ATF7IP: variants seen among roughly 807,000 people sequenced by gnomAD.
The protein encoded by ATF7IP is activating transcription factor 7 interacting protein.
A neutral mutation model predicts 106.4 loss-of-function variants in ATF7IP; 23 were observed. The observed-to-expected ratio is 0.22, with a 90% CI of 0.16 to 0.31. The LOEUF (loss-of-function observed/expected upper bound fraction) is 0.31, where lower values mean the gene tolerates loss of function less well. ATF7IP is among the 10% of genes least tolerant of loss of function. The pLI, the probability that ATF7IP is intolerant of heterozygous loss-of-function variation, is 1.00. For synonymous variants in ATF7IP, 542 were observed against 539.0 expected, an observed-to-expected ratio of 1.01 and a Z score of -0.08; for missense variants, 1,334 against 1,524.3, an observed-to-expected ratio of 0.88 and a Z score of 2.08.
intron 5 of ATF7IP, among the ~76,000 whole-genome samples, chr12:14,440,535 G>A (rs1942646709): frequency 6.6e-6 from 1 of 152,024 alleles, no homozygotes; most frequent in South Asian, 2.1e-4. Context: ...ACTTCGTATT[G>A]TTTCCCCTGT....
In ATF7IP at chr12:14,424,462, G is replaced by A; in HGVS notation, c.547G>A (p.Asp183Asn). 6.2e-7 allele frequency: 1 copy of A among 1,611,816 alleles called. No individual in the cohort carries two copies. The highest frequency in any genetic ancestry group is 8.5e-7 in the Non-Finnish European group (1 of 1,179,188). Residue 183 changes from aspartate (D) to asparagine (N), a missense_variant, in exon 2 of 15, where the codon GAT becomes AAT. Asp to Asn is a conservative substitution (Grantham distance 23, BLOSUM62 1). Around this residue, in one of 10 missense-constraint regions of ATF7IP, gnomAD observed 438 missense variants for 405.3 expected, o/e 1.08. Transcript: ENST00000261168. ...AACCTCTGGTGATGCCCCTTCTGGT[G>A]ATGTGTCCCCTGGTGATGCCACCTC... ...DATSGDAPSG[D>N]VSPGDATSGD...
intron 1 of ATF7IP, among the ~76,000 whole-genome samples, chr12:14,393,552 C>A (rs550778447): frequency 3.3e-5 from 5 of 152,224 alleles, no homozygotes; most frequent in African/African-American, 1.2e-4. Flanking sequence ...CTACCATTTG[C>A]TATTGATAAA....
At chr12:14,386,752 A>G (rs1486656003) in intron 1 of ATF7IP, among the ~76,000 whole-genome samples, 2 of 152,134 alleles carry the variant, frequency 1.3e-5, no homozygotes, top group African/African-American at 4.8e-5. Context: ...CGTACATGAC[A>G]ATTATAATCT....
chr12:14,480,726 A>T (rs896994217), intron 12 of ATF7IP, among the ~76,000 whole-genome samples: 4 of 152,190 alleles, frequency 2.6e-5, no homozygotes, highest in Admixed American at 6.5e-5. Context: ...GCACCTTTTT[A>T]AAAAATCTTC....
At chr12:14,476,903 A>G (rs1944281781) in intron 11 of ATF7IP, among the ~76,000 whole-genome samples, 1 of 152,230 alleles carries the variant, frequency 6.6e-6, no homozygotes, top group African/African-American at 2.4e-5. Context: ...TTTCATGAAT[A>G]TAAAGTTCCA....
chr12:14,478,484 G>T lies in ATF7IP; in HGVS notation c.3097+12G>T, dbSNP rs921375162. ...CTTACTACCTACAGGTAAATTTGTT[G>T]AATCATTGAGTAGAAGCTTTGGTTT... is the stretch of plus-strand genomic sequence containing the variant. On this transcript the variant is annotated intron_variant, in intron 12 of 14. Coordinates refer to ENST00000261168, the MANE Select transcript of ATF7IP (RefSeq NM_018179.5). 3 of 1,613,572 alleles carry T rather than the reference G, an allele frequency of 1.9e-6. No homozygotes were observed. The highest frequency in any genetic ancestry group is 2.7e-5 in the African/African-American group (2 of 74,994).
At chr12:14,454,618 C>G (rs1943354043) in intron 6 of ATF7IP, among the ~76,000 whole-genome samples, 1 of 151,932 alleles carries the variant, frequency 6.6e-6, no homozygotes, top group African/African-American at 2.4e-5. Context: ...TCTTTTTGGC[C>G]TTGTGCTCAC....
chr12:14,415,730 A>C (rs909015829), intron 1 of ATF7IP, among the ~76,000 whole-genome samples: 4 of 150,446 alleles, frequency 2.7e-5, no homozygotes, highest in African/African-American at 9.8e-5. Context: ...AGCTAGTGAC[A>C]GTTATTTTAT....
chr12:14,465,045 G>C (rs1943777884), intron 9 of ATF7IP, among the ~76,000 whole-genome samples: 1 of 151,916 alleles, frequency 6.6e-6, no homozygotes, highest in African/African-American at 2.4e-5. Context: ...ATGAAAGCAG[G>C]TCTTTACTAA....
At chr12:14,478,223 G>C (rs776572889) in intron 11 of ATF7IP, 94 bp from the exon 12 acceptor site, 17 of 1,173,732 alleles carry the variant, frequency 1.4e-5, no homozygotes, top group Non-Finnish European at 2.1e-5. Context: ...TGACACACAA[G>C]TGGCAAGCAA....
intron 1 of ATF7IP, among the ~76,000 whole-genome samples, chr12:14,367,924 A>G (rs1009008454): frequency 6.6e-6 from 1 of 152,078 alleles, no homozygotes; most frequent in African/African-American, 2.4e-5. Flanking sequence ...CACATATCCA[A>G]CATATATAAA....
In ATF7IP at chr12:14,460,742, A is replaced by C. The variant is rs113845516; in HGVS notation, c.2406A>C (p.Pro802=). 4 of 1,614,220 alleles carry C rather than the reference A, an allele frequency of 2.5e-6. No individual in the cohort carries two copies. Among genetic ancestry groups the C allele is most frequent in the African/African-American group, 1.3e-5 (1 of 75,068 alleles). ...SSQPQLLQSH[P]GTLVTNQPSG... is the part of the protein sequence containing the mutation. ...AGCCTCAGCTTCTACAGAGCCATCC[A>C]GGGACTTTGGTGACTAATCAACCAT... Residue 802 remains proline (P), a synonymous_variant, in exon 9 of 15, where the codon CCA becomes CCC. Coordinates refer to ENST00000261168, the MANE Select transcript of ATF7IP (RefSeq NM_018179.5).
At chr12:14,379,048 T>A (rs1434345009) in intron 1 of ATF7IP, among the ~76,000 whole-genome samples, 1 of 152,172 alleles carries the variant, frequency 6.6e-6, no homozygotes, top group Non-Finnish European at 1.5e-5. Flanking sequence ...TGGATTTGTA[T>A]CCCCACCCAA....
rs1318408129 is a variant in ATF7IP at position 14,424,355 on chromosome 12, G to C, written c.440G>C (p.Gly147Ala). ...GDLDAGDPAS[G>A]VLASGDSTSG... ...CTGGATGCCGGAGATCCAGCCTCCG[G>C]AGTACTGGCCTCTGGTGATTCCACC... Residue 147 changes from glycine (G) to alanine (A), a missense_variant, in exon 2 of 15, where the codon GGA (glycine) becomes GCA (alanine). Coordinates refer to ENST00000261168, the MANE Select transcript of ATF7IP (RefSeq NM_018179.5). 1 of 1,613,970 alleles carries C rather than the reference G, an allele frequency of 6.2e-7. No individual in the cohort carries two copies. Among genetic ancestry groups the C allele is most frequent in the Non-Finnish European group, 8.5e-7 (1 of 1,180,022 alleles).
In ATF7IP at chr12:14,460,675, C is replaced by G; in HGVS notation, c.2339C>G (p.Pro780Arg). The change falls in exon 9 of 15, where the codon CCT becomes CGT. Residue 780 changes from proline (P) to arginine (R), a missense_variant. Coordinates refer to ENST00000261168, the MANE Select transcript of ATF7IP (RefSeq NM_018179.5). ...GNPQPTISLQ[P>R]LPVILHVPVA... ...CCCCAGCCTACAATCTCTTTACAGC[C>G]TTTGCCAGTGATTTTGCATGTACCT... is the stretch of plus-strand genomic sequence containing the variant. 1 of 1,614,202 alleles carries G rather than the reference C, an allele frequency of 6.2e-7. No individual in the cohort carries two copies. The highest frequency in any genetic ancestry group is 1.1e-5 in the South Asian group (1 of 91,088).
intron 1 of ATF7IP, among the ~76,000 whole-genome samples, chr12:14,382,189 CAAAT>C (rs1415789467): frequency 6.6e-6 from 1 of 151,880 alleles, no homozygotes; most frequent in South Asian, 2.1e-4. Flanking sequence ...TGTCTACAAA[CAAAT>C]AAACGAAAAA....
At position 14,499,480 on chromosome 12, in the gene ATF7IP, A is replaced by AAG. The variant is rs1945106324; in HGVS notation, c.*1407_*1408insAG. 1.3e-5 allele frequency: 2 copies of AAG among 152,230 alleles called. No homozygotes were observed. The highest frequency in any genetic ancestry group is 4.8e-5 in the African/African-American group (2 of 41,458). The allele number at this position is 152,230 out of a possible 1,614,324, so 9.4% of individuals were successfully genotyped here. ...AGCTATCACCCAACACTAACTCCTT[A>AAG]GTATTCTTTCAAAGGAAGCAAATAG... On this transcript the variant is annotated 3_prime_UTR_variant, in exon 15 of 15. Coordinates refer to ENST00000261168, the MANE Select transcript of ATF7IP (RefSeq NM_018179.5).
intron 1 of ATF7IP, chr12:14,367,349 G>A (rs2136385920): frequency 6.6e-6 from 1 of 152,118 alleles, no homozygotes; most frequent in East Asian, 1.9e-4. Context: ...GAGATAGAAT[G>A]GAGGTAGGAA....
At chr12:14,447,292 T>C (rs1943013950) in intron 6 of ATF7IP, among the ~76,000 whole-genome samples, 1 of 147,266 alleles carries the variant, frequency 6.8e-6, no homozygotes, top group African/African-American at 2.5e-5. Flanking sequence ...TTTTTTTTTT[T>C]TTTTTTTTTG....
Sources: allele counts gnomAD v4.1 joint callset (sites outside exome capture counted in the v4.1 genomes callset), GRCh38; gene constraint gnomAD v4.1.1; regional missense constraint gnomAD v4.1.1; transcripts MANE v1.5; gene names NCBI Gene and HGNC (gene_info 2026-07-23, HGNC 2026-07-21).